FBN1: variants seen among roughly 807,000 people sequenced by gnomAD.
FBN1 encodes fibrillin-1.
Under a neutral mutation model 365.1 loss-of-function variants are expected in FBN1, and 29 were observed. The ratio of observed to expected loss-of-function variants is 0.08; its 90% CI spans 0.06 to 0.11. The LOEUF (loss-of-function observed/expected upper bound fraction) is 0.11, where lower values mean the gene tolerates loss of function less well. Among genes scored for constraint, FBN1 ranks in the 10% least tolerant of loss-of-function variants. The probability of loss-of-function intolerance (pLI) is 1.00; values close to 1 mark genes in which losing one functional copy is unlikely to be tolerated. For synonymous variants in FBN1, 1,210 were observed against 1,270.5 expected, an observed-to-expected ratio of 0.95 and a Z score of 1.01; for missense variants, 2,476 against 3,703.2, an observed-to-expected ratio of 0.67 and a Z score of 8.60.
At chr15:48,528,527 T>C (rs1350040859) in intron 8 of FBN1, among the ~76,000 whole-genome samples, 1 of 152,110 alleles carries the variant, frequency 6.6e-6, no homozygotes, top group East Asian at 1.9e-4. Flanking sequence ...AAAACTGACA[T>C]GAATCAAACC....
intron 65 of FBN1, among the ~76,000 whole-genome samples, chr15:48,412,109 A>G (rs2042868160): frequency 6.6e-6 from 1 of 152,194 alleles, no homozygotes; most frequent in African/African-American, 2.4e-5. Context: ...GCCGTAGGCA[A>G]AGGAAACCAG....
intron 17 of FBN1, among the ~76,000 whole-genome samples, chr15:48,499,855 A>G (rs2043640165): frequency 6.6e-6 from 1 of 152,202 alleles, no homozygotes. Flanking sequence ...ACACAGTCTC[A>G]TGGTCATATG....
Position 48,445,245 on chromosome 15 carries a change from G to T in FBN1, c.5917+131C>A, listed in dbSNP as rs571361339. The stretch of plus-strand genomic sequence containing the variant: ...TTAAATAAAAACAAGCCTTTATAGG[G>T]AGGATTAATATAATTCTACTCTGAC... On this transcript the variant is annotated intron_variant, in intron 48 of 65. Transcript: ENST00000316623. 3.5e-5 allele frequency: 27 copies of T among 761,434 alleles called. No homozygotes were observed. The African/African-American group carries it at 4.4e-4, about 12-fold the overall frequency. 47.2% of individuals were successfully genotyped at this position (761,434 alleles called of 1,614,324 possible).
At chr15:48,439,167 G>C (rs565803214) in intron 50 of FBN1, among the ~76,000 whole-genome samples, 1 of 152,308 alleles carries the variant, frequency 6.6e-6, no homozygotes, top group South Asian at 2.1e-4. Flanking sequence ...ATGAATTAAA[G>C]TTTCTATCTA....
chr15:48,642,800 T>C (rs746728953), intron 2 of FBN1: 1 of 152,152 alleles, frequency 6.6e-6, no homozygotes, highest in South Asian at 2.1e-4. Flanking sequence ...GCTTTATAAA[T>C]AGTTTACAAT....
intron 6 of FBN1, among the ~76,000 whole-genome samples, chr15:48,590,657 A>G (rs955171201): frequency 1.3e-5 from 2 of 152,234 alleles, no homozygotes; most frequent in African/African-American, 4.8e-5. Flanking sequence ...TAACAAATAC[A>G]AAAACCTTTT....
At position 48,453,022 on chromosome 15, in the gene FBN1, T is replaced by A. The variant is rs35063088; in HGVS notation, c.5423-338A>T. ...CTGTAATCCTAGCACTTTGGGAAGC[T>A]AAGGCGGGCGGATCACCTGAGGTCA... On this transcript the variant is annotated intron_variant, in intron 44 of 65. Coordinates refer to ENST00000316623, the MANE Select transcript of FBN1 (RefSeq NM_000138.5). Among the ~76,000 whole-genome samples the A allele has an allele frequency of 0.022, 3,318 of 152,152 alleles. 68 individuals are homozygous for A. The highest frequency in any genetic ancestry group is 0.083 in the East Asian group (429 of 5,158).
At chr15:48,433,472 G>A (rs996779885) in intron 54 of FBN1, among the ~76,000 whole-genome samples, 1 of 152,154 alleles carries the variant, frequency 6.6e-6, no homozygotes, top group Non-Finnish European at 1.5e-5. Flanking sequence ...AGAGGCTCCT[G>A]TGAAATAACA....
At chr15:48,568,224 A>G (rs1442966306) in intron 6 of FBN1, among the ~76,000 whole-genome samples, 2 of 151,856 alleles carry the variant, frequency 1.3e-5, no homozygotes, top group Non-Finnish European at 2.9e-5. Flanking sequence ...TATACTAACA[A>G]TGAACAATCA....
At chr15:48,461,444 CT>C (rs1264076748) in intron 42 of FBN1, among the ~76,000 whole-genome samples, 1 of 152,138 alleles carries the variant, frequency 6.6e-6, no homozygotes, top group Non-Finnish European at 1.5e-5. Flanking sequence ...TTCTATCTAT[CT>C]TTGGAAAAAT....
chr15:48,468,270 A>G, intron 37 of FBN1, 142 bp downstream of exon 37: 1 of 1,347,014 alleles, frequency 7.4e-7, no homozygotes, highest in Non-Finnish European at 1.0e-6. Flanking sequence ...TATGGAAAAG[A>G]TATCTGAATC....
chr15:48,604,450 G>T (rs773788825), intron 4 of FBN1, among the ~76,000 whole-genome samples: 2 of 152,152 alleles, frequency 1.3e-5, no homozygotes, highest in African/African-American at 4.8e-5. Context: ...TCATTTAGAG[G>T]GATAACAGCA....
chr15:48,637,857 A>G (rs1314727445), intron 2 of FBN1, among the ~76,000 whole-genome samples: 1 of 152,222 alleles, frequency 6.6e-6, no homozygotes, highest in Non-Finnish European at 1.5e-5. Flanking sequence ...GTAAAGGACC[A>G]AAGAGCAAAT....
At chr15:48,549,375 G>A (rs1006005231) in intron 6 of FBN1, among the ~76,000 whole-genome samples, 2 of 152,230 alleles carry the variant, frequency 1.3e-5, no homozygotes, top group Non-Finnish European at 2.9e-5. Context: ...TGGGAGCAGG[G>A]AGGCGGCATG....
At chr15:48,413,680 G>A (rs1015867061) in intron 64 of FBN1, among the ~76,000 whole-genome samples, 1 of 152,172 alleles carries the variant, frequency 6.6e-6, no homozygotes, top group South Asian at 2.1e-4. Flanking sequence ...CTAGTGATTC[G>A]GAGAGGCCAA....
At chr15:48,439,028 T>C (rs1217274363) in intron 50 of FBN1, among the ~76,000 whole-genome samples, 1 of 152,162 alleles carries the variant, frequency 6.6e-6, no homozygotes, top group African/African-American at 2.4e-5. Flanking sequence ...TGTTTTTCAA[T>C]CCCAGGAACC....
chr15:48,470,788 T>C (rs758599886), intron 35 of FBN1, 32 bp from the exon 36 acceptor site: 1 of 1,607,330 alleles, frequency 6.2e-7, no homozygotes, highest in African/African-American at 1.3e-5. Flanking sequence ...GCAAAAAACT[T>C]AACTTATATT....
intron 51 of FBN1, 109 bp from the exon 52 acceptor site, chr15:48,437,496 G>A: frequency 1.7e-5 from 18 of 1,040,982 alleles, no homozygotes; most frequent in Non-Finnish European, 2.5e-5. Context: ...ATTGATAAAT[G>A]ATGGAAAAAA....
chr15:48,638,726 T>C (rs763845752), intron 2 of FBN1, among the ~76,000 whole-genome samples: 9 of 151,684 alleles, frequency 5.9e-5, no homozygotes, highest in African/African-American at 1.7e-4. Flanking sequence ...AAATAACTCA[T>C]ATGACTGGTC....
Sources: gnomAD v4.1 joint callset for allele counts (sites outside exome capture counted in the v4.1 genomes callset) on GRCh38, gnomAD v4.1.1 for gene constraint, MANE v1.5 for transcripts, NCBI Gene and HGNC (gene_info 2026-07-23, HGNC 2026-07-21) for gene names.